Variants in FBN3 observed in about 807,000 individuals in gnomAD.
FBN3 encodes the protein fibrillin 3, also known as fibrillin-3.
FBN3 carries 234 observed loss-of-function variants against 330.1 expected under a neutral mutation model. That is an observed-to-expected ratio of 0.71 (90% confidence interval 0.64 to 0.79). The LOEUF is 0.79. FBN3 is among the 30% of genes least tolerant of loss of function. The probability of loss-of-function intolerance (pLI) is 0.00; values close to 1 mark genes in which losing one functional copy is unlikely to be tolerated. For missense variants in FBN3, 3,606 were observed against 3,886.9 expected (o/e 0.93, Z 1.92); for synonymous variants, 1,458 against 1,517.3 (o/e 0.96, Z 0.91).
At chr19:8,078,125 T>C (rs2145396695) in intron 59 of FBN3, among the ~76,000 whole-genome samples, 1 of 152,256 alleles carries the variant, frequency 6.6e-6, no homozygotes, top group East Asian at 1.9e-4. Flanking sequence ...TTTCTTTCCC[T>C]TACATCTAGC....
chr19:8,138,916 A>G (rs2083350155), intron 8 of FBN3, among the ~76,000 whole-genome samples: 1 of 152,114 alleles, frequency 6.6e-6, no homozygotes, highest in South Asian at 2.1e-4. Context: ...GGGTGGTGGC[A>G]GGCACTTGTA....
intron 40 of FBN3, 45 bp downstream of exon 40, chr19:8,102,678 GC>G: frequency 6.3e-7 from 1 of 1,583,958 alleles, no homozygotes; most frequent in Non-Finnish European, 8.6e-7. Context: ...TAACCATTAT[GC>G]TAGGAGGGGC....
chr19:8,119,116 C>T (rs1409389777), intron 25 of FBN3, 94 bp from the exon 26 acceptor site: 7 of 1,415,066 alleles, frequency 4.9e-6, no homozygotes. Context: ...CGCCACCTCC[C>T]CAGCCCCCTT....
rs778867951 is a variant in FBN3 at position 8,146,111 on chromosome 19, G to C, written c.349+16C>G. On this transcript the variant is annotated intron_variant, in intron 4 of 63. Coordinates refer to ENST00000600128, the MANE Select transcript of FBN3 (RefSeq NM_032447.5). The stretch of plus-strand genomic sequence containing the variant: ...GAACTTCTTCTCCCTCCCGCAAGAG[G>C]CCGCTTCCCGCTCACCTCGGCTCAC... 9 of 1,570,620 alleles carry C rather than the reference G, an allele frequency of 5.7e-6. No individual in the cohort carries two copies. The highest frequency in any genetic ancestry group is 1.3e-5 in the African/African-American group (1 of 74,314).
rs771220215 is a variant in FBN3, at chr19:8,126,691, G to A, written c.2416+22C>T. 88 of 1,582,110 alleles carry A rather than the reference G, an allele frequency of 5.6e-5. 1 individual carries two copies. The highest frequency in any genetic ancestry group is 4.5e-4 in the East Asian group (20 of 44,512). On this transcript the variant is annotated intron_variant, in intron 19 of 63. Transcript: ENST00000600128. ...ATAGACGCCCAGCCTCTGGAACGCC[G>A]TCGGGCTCCGGGGCCGCTCACCTAG...
At position 8,090,266 on chromosome 19, in the gene FBN3, C is replaced by T. The variant is rs770045323; in HGVS notation, c.6032-15G>A. ...CTGCCGTGTGTCTGTGGGGTGGGGG[C>T]TCCATTACCCTGATTGAAAGCCGCT... On this transcript the variant is annotated splice_polypyrimidine_tract_variant and intron_variant, in intron 48 of 63. Coordinates refer to ENST00000600128, the MANE Select transcript of FBN3 (RefSeq NM_032447.5). 227 of 1,613,074 alleles carry T rather than the reference C, an allele frequency of 1.4e-4. No homozygotes were observed. Among genetic ancestry groups the T allele is most frequent in the Non-Finnish European group, 1.8e-4 (211 of 1,179,678 alleles).
chr19:8,131,483 C>A lies in FBN3; in HGVS notation c.1990+71G>T, dbSNP rs555299791. The stretch of plus-strand genomic sequence containing the variant: ...CCACTCCATGGCAGCCATGACCCCC[C>A]ACCAGAAGCGAGAACCGATGGAGGC... On this transcript the variant is annotated intron_variant, in intron 15 of 63. Coordinates refer to ENST00000600128, the MANE Select transcript of FBN3 (RefSeq NM_032447.5). This position sits in a 1 kb window ranked among gnomAD's most constrained non-coding sequence, Gnocchi z 4.5. 143 of 1,542,746 alleles carry A rather than the reference C, an allele frequency of 9.3e-5. No homozygotes were observed. The Middle Eastern group carries it at 1.4e-3, about 15-fold the overall frequency.
intron 59 of FBN3, among the ~76,000 whole-genome samples, chr19:8,077,596 G>A (rs1484284153): frequency 2.0e-5 from 3 of 152,102 alleles, no homozygotes; most frequent in East Asian, 3.9e-4. Context: ...CCACGATCAC[G>A]CCCCTGCGCT....
At chr19:8,103,887 A>G (rs1349161581) in intron 38 of FBN3, among the ~76,000 whole-genome samples, 200 bp from the exon 39 acceptor site, 1 of 152,088 alleles carries the variant, frequency 6.6e-6, no homozygotes, top group African/African-American at 2.4e-5. Flanking sequence ...CTGTAATCTG[A>G]GCACTTTGTG....
chr19:8,082,390 CTCT>C (rs2081817907), intron 57 of FBN3, among the ~76,000 whole-genome samples: 1 of 117,920 alleles, frequency 8.5e-6, no homozygotes. Context: ...CTTCTTTCTT[CTCT>C]TTTTTCTCTT....
At chr19:8,147,601 C>T (rs557270085) in intron 1 of FBN3, 104 bp from the exon 2 acceptor site, 18 of 1,040,792 alleles carry the variant, frequency 1.7e-5, no homozygotes, top group East Asian at 5.8e-5. Flanking sequence ...GGGGCAGCCC[C>T]GGGGCCTCTG....
intron 61 of FBN3, among the ~76,000 whole-genome samples, chr19:8,073,891 A>G (rs1185195185): frequency 6.6e-6 from 1 of 152,126 alleles, no homozygotes; most frequent in Admixed American, 6.6e-5. Flanking sequence ...TATGTTGCCT[A>G]GGCTGGTCTT....
Position 8,136,002 on chromosome 19 carries a change from T to C in FBN3, c.1550A>G (p.Asn517Ser), listed in dbSNP as rs2083271025. 2 of 1,349,910 alleles carry C rather than the reference T, an allele frequency of 1.5e-6. No individual in the cohort carries two copies. Among genetic ancestry groups the C allele is most frequent in the Admixed American group, 2.2e-5 (1 of 45,918 alleles). 83.6% of individuals were successfully genotyped at this position (1,349,910 alleles called of 1,614,324 possible). Residue 517 changes from asparagine (N) to serine (S), a missense_variant, in exon 13 of 64, where the codon AAT (asparagine) becomes AGT (serine). Asn to Ser is a conservative substitution (Grantham distance 46, BLOSUM62 1). Transcript: ENST00000600128. ...GTCAGGGCTGAGCTCGAAGCCTGCA[T>C]TGCAGACACACTGGAAGCTGCCCTC... Reference protein sequence around the residue: ...NTEGSFQCVCNAGFELSPDGK... With the variant: ...NTEGSFQCVCSAGFELSPDGK...
At chr19:8,089,165 G>A (rs952657462) in intron 51 of FBN3, among the ~76,000 whole-genome samples, 22 of 152,188 alleles carry the variant, frequency 1.4e-4, no homozygotes, top group Non-Finnish European at 2.5e-4. Flanking sequence ...GAATGAACAA[G>A]TGAAGGAATG....
At position 8,090,091 on chromosome 19, in the gene FBN3, G is replaced by C. The variant is rs752519524; in HGVS notation, c.6184+8C>G. 5.6e-6 allele frequency: 9 copies of C among 1,612,940 alleles called. 1 individual carries two copies. The South Asian group carries it at 8.8e-5, about 16-fold the overall frequency. On this transcript the variant is annotated splice_region_variant and intron_variant, in intron 49 of 63. Transcript: ENST00000600128. ...ATCCAGGGAGCCTGGACAGGGGTGG[G>C]CACTCACCGCTGCCCTCCTGGGGAC...
At chr19:8,070,581 C>G (rs935654135) in intron 63 of FBN3, among the ~76,000 whole-genome samples, 4 of 152,182 alleles carry the variant, frequency 2.6e-5, no homozygotes, top group African/African-American at 9.7e-5. Flanking sequence ...CCCAGGATGG[C>G]TGGCCATGGA....
chr19:8,093,788 A>C, intron 47 of FBN3, among the ~76,000 whole-genome samples: 1 of 125,952 alleles, frequency 7.9e-6, no homozygotes, highest in South Asian at 3.3e-4. Flanking sequence ...CAAACAAACA[A>C]AACAAAACAA....
In FBN3 at chr19:8,087,863, G is replaced by A. The variant is rs761703495; in HGVS notation, c.6581C>T (p.Ala2194Val). ...TEGSYLCTCP[A>V]GYTLREDGAM... is the part of the protein sequence containing the mutation. Reference sequence around the variant, plus strand: ...CCCATCCTCCCGCAGGGTGTAGCCGGCTGGACAGGTGCACAGGTAGGAGCC... The same window carrying A: ...CCCATCCTCCCGCAGGGTGTAGCCGACTGGACAGGTGCACAGGTAGGAGCC... Residue 2194 changes from alanine (A) to valine (V), a missense_variant, in exon 53 of 64, where the codon GCC (alanine) becomes GTC (valine). Ala to Val is a moderately conservative substitution (Grantham distance 64). Transcript: ENST00000600128. 7.4e-6 allele frequency: 12 copies of A among 1,614,100 alleles called. No individual in the cohort carries two copies. In the Admixed American group the frequency reaches 1.8e-4, roughly 25 times the overall value.
At chr19:8,076,626 G>T (rs949570394) in intron 59 of FBN3, among the ~76,000 whole-genome samples, 5 of 152,180 alleles carry the variant, frequency 3.3e-5, no homozygotes, top group African/African-American at 1.2e-4. Context: ...GTGACTGACA[G>T]AGTGAGATTC....
Sources: gnomAD v4.1 joint callset for allele counts (sites outside exome capture counted in the v4.1 genomes callset) on GRCh38, gnomAD v4.1.1 for gene constraint, Gnocchi (gnomAD v3.1) non-coding constraint, MANE v1.5 for transcripts, NCBI Gene and HGNC (gene_info 2026-07-23, HGNC 2026-07-21) for gene names.